METTL9: variants seen among roughly 807,000 people sequenced by gnomAD.
METTL9 encodes the protein methyltransferase 9, His-X-His N1(pi)-histidine, also known as protein-L-histidine N-pros-methyltransferase.
In METTL9, 10 loss-of-function variants were observed where a neutral mutation model predicts 36.0. The observed-to-expected ratio is 0.28, with a 90% confidence interval of 0.17 to 0.47. The LOEUF is 0.47. Ranked by LOEUF, METTL9 falls within the 20% of genes least tolerant of loss-of-function variation. The probability of loss-of-function intolerance (pLI) is 0.99; values close to 1 mark genes in which losing one functional copy is unlikely to be tolerated. For missense variants in METTL9, 246 were observed against 383.5 expected (o/e 0.64, Z 3.00); for synonymous variants, 175 against 149.7 (o/e 1.17, Z -1.23).
intron 4 of METTL9, among the ~76,000 whole-genome samples, chr16:21,628,779 A>G (rs1172083776): frequency 1.3e-5 from 2 of 151,782 alleles, no homozygotes; most frequent in South Asian, 2.1e-4. Flanking sequence ...TATAGATGTG[A>G]GCCACTGCAC....
chr16:21,625,493 G>A (rs1335646481), intron 4 of METTL9, among the ~76,000 whole-genome samples: 1 of 152,116 alleles, frequency 6.6e-6, no homozygotes, highest in African/African-American at 2.4e-5. Flanking sequence ...TGAATGTCAT[G>A]GCTGTTTTGT....
chr16:21,632,827 T>G (rs1300961282), intron 4 of METTL9, among the ~76,000 whole-genome samples: 1 of 152,182 alleles, frequency 6.6e-6, no homozygotes, highest in Non-Finnish European at 1.5e-5. Context: ...TACTTAGGTA[T>G]GCCACTGGTT....
intron 1 of METTL9, among the ~76,000 whole-genome samples, chr16:21,604,990 T>C (rs1367940615): frequency 6.6e-6 from 1 of 152,148 alleles, no homozygotes; most frequent in Non-Finnish European, 1.5e-5. Context: ...CTACTGGCCT[T>C]CTATTGTGTG....
chr16:21,624,213 C>CT (rs1965770530), intron 3 of METTL9, among the ~76,000 whole-genome samples: 1 of 152,044 alleles, frequency 6.6e-6, no homozygotes, highest in Non-Finnish European at 1.5e-5. Context: ...AGAAGGGATC[C>CT]TAGGAATAGA....
chr16:21,600,018 G>C, intron 1 of METTL9, 120 bp downstream of exon 1: 1 of 917,768 alleles, frequency 1.1e-6, no homozygotes, highest in Non-Finnish European at 1.4e-6. Flanking sequence ...CCTCCGCCTC[G>C]GCCCCTTGGA....
chr16:21,652,631 A>G (rs1334853737), intron 4 of METTL9: 6 of 1,563,642 alleles, frequency 3.8e-6, no homozygotes, highest in Non-Finnish European at 5.2e-6. Context: ...TGGGGTGTGT[A>G]TTTGAAAGGA....
chr16:21,605,821 C>T (rs984789913), intron 1 of METTL9, among the ~76,000 whole-genome samples: 1 of 152,094 alleles, frequency 6.6e-6, no homozygotes, highest in Non-Finnish European at 1.5e-5. Flanking sequence ...TTTAATTGTT[C>T]AATCCTGTTC....
At chr16:21,645,009 C>T (rs951862716) in intron 4 of METTL9, among the ~76,000 whole-genome samples, 6 of 152,170 alleles carry the variant, frequency 3.9e-5, no homozygotes, top group East Asian at 3.8e-4. Flanking sequence ...TTTTCACATT[C>T]GGAATTTCTC....
chr16:21,640,568 T>G (rs1966227536), intron 4 of METTL9: 1 of 132,118 alleles, frequency 7.6e-6, no homozygotes, highest in Non-Finnish European at 1.6e-5. Flanking sequence ...CTGGCCAACA[T>G]GGTGAAACCC....
At chr16:21,605,908 G>A (rs1385795619) in intron 1 of METTL9, among the ~76,000 whole-genome samples, 1 of 152,130 alleles carries the variant, frequency 6.6e-6, no homozygotes, top group Non-Finnish European at 1.5e-5. Flanking sequence ...CCTCACTTCA[G>A]AGGCCAGCTG....
intron 1 of METTL9, among the ~76,000 whole-genome samples, chr16:21,608,710 A>G (rs779469130): frequency 1.6e-4 from 25 of 152,168 alleles, no homozygotes; most frequent in Non-Finnish European, 3.1e-4. Flanking sequence ...ACATCCTACA[A>G]TGTGCAGGTC....
At position 21,625,057 on chromosome 16, in the gene METTL9, A is replaced by C. The variant is rs1212376515; in HGVS notation, c.693A>C (p.Pro231=). Residue 231 remains proline, a synonymous_variant, in exon 4 of 5, where the codon CCA becomes CCC. Transcript: ENST00000358154. ...AAGATATCAGAAGTGTCTTGGAGCC[A>C]ACTAGAGGCAGGGTCATCCTTGCCC... The part of the protein sequence containing the change: ...LLKDIRSVLE[P]TRGRVILALV... 7 of 1,614,204 alleles carry C rather than the reference A, an allele frequency of 4.3e-6. No homozygotes were observed. The highest frequency in any genetic ancestry group is 5.9e-6 in the Non-Finnish European group (7 of 1,180,038).
rs576707671 is a variant in METTL9, at chr16:21,654,072, C to T, written c.752-1155C>T. On this transcript the variant is annotated intron_variant, in intron 4 of 4. Coordinates refer to ENST00000358154, the MANE Select transcript of METTL9 (RefSeq NM_016025.5). ...TTTTTTTTTTTTTGAGACAGAGTCT[C>T]GCTCTGTCGCCCAGGCTGGAGTGCA... is the stretch of plus-strand genomic sequence containing the variant. The T allele has an allele frequency of 2.3e-4, 29 of 126,902 alleles. No homozygotes were observed. The South Asian group carries it at 2.7e-3, about 12-fold the overall frequency. The allele number at this position is 126,902 out of a possible 1,614,324, so 7.9% of individuals were successfully genotyped here.
intron 1 of METTL9, among the ~76,000 whole-genome samples, chr16:21,605,430 A>G (rs1965259116): frequency 6.6e-6 from 1 of 151,486 alleles, no homozygotes; most frequent in Admixed American, 6.6e-5. Flanking sequence ...TCTTTTGTAG[A>G]GGCAGGGTCT....
chr16:21,619,250 T>C (rs888368627), intron 3 of METTL9, among the ~76,000 whole-genome samples: 4 of 152,162 alleles, frequency 2.6e-5, no homozygotes, highest in African/African-American at 9.7e-5. Flanking sequence ...TGCAATACTT[T>C]TCCATTGCTG....
intron 4 of METTL9, among the ~76,000 whole-genome samples, chr16:21,651,390 G>A (rs1966572091): frequency 6.6e-6 from 1 of 152,130 alleles, no homozygotes; most frequent in African/African-American, 2.4e-5. Context: ...AAAGTCCTGG[G>A]CTCAAGTGAT....
Position 21,655,524 on chromosome 16 carries a change from C to A in METTL9, c.*92C>A. The A allele has an allele frequency of 9.4e-7, 1 of 1,060,592 alleles. No homozygotes were observed. The highest frequency in any genetic ancestry group is 1.4e-6 in the Non-Finnish European group (1 of 726,236). 65.7% of individuals were successfully genotyped at this position (1,060,592 alleles called of 1,614,324 possible). On this transcript the variant is annotated 3_prime_UTR_variant, in exon 5 of 5. Coordinates refer to ENST00000358154, the MANE Select transcript of METTL9 (RefSeq NM_016025.5). Reference sequence around the variant, plus strand: ...TTCACAATTACGTGAAGGGAGGACCCTTGGGGACCGCCATTCTAAATATCA... The same window carrying A: ...TTCACAATTACGTGAAGGGAGGACCATTGGGGACCGCCATTCTAAATATCA...
intron 4 of METTL9, 106 bp downstream of exon 4, chr16:21,625,221 G>A (rs999643740): frequency 2.1e-5 from 26 of 1,263,680 alleles, no homozygotes; most frequent in Non-Finnish European, 3.0e-5. Flanking sequence ...TCTTATAATA[G>A]CCTGCAGTTT....
chr16:21,629,246 C>G (rs146519147), intron 4 of METTL9, among the ~76,000 whole-genome samples: 4 of 152,034 alleles, frequency 2.6e-5, no homozygotes, highest in Non-Finnish European at 4.4e-5. Flanking sequence ...CCCCCACCCC[C>G]CATCGTGATG....
Sources: allele counts gnomAD v4.1 joint callset (sites outside exome capture counted in the v4.1 genomes callset), GRCh38; gene constraint gnomAD v4.1.1; transcripts MANE v1.5; gene names NCBI Gene and HGNC (gene_info 2026-07-23, HGNC 2026-07-21).